The following EXD3 variants were observed in gnomAD, a reference collection of about 807,000 sequenced individuals.
EXD3 encodes the protein exonuclease 3'-5' domain containing 3.
Under a neutral mutation model 98.0 loss-of-function variants are expected in EXD3, and 92 were observed. The ratio of observed to expected loss-of-function variants is 0.94; its 90% CI spans 0.79 to 1.12. The LOEUF (loss-of-function observed/expected upper bound fraction) is 1.12, where lower values mean the gene tolerates loss of function less well. Ranked by LOEUF, EXD3 falls within the 50% of genes most tolerant of loss-of-function variation. The pLI, the probability that EXD3 is intolerant of heterozygous loss-of-function variation, is 0.00. For missense variants in EXD3, 1,222 were observed against 1,191.6 expected (o/e 1.03, Z -0.38); for synonymous variants, 569 against 526.0 (o/e 1.08, Z -1.12).
rs576740179 is a variant in EXD3, at chr9:137,375,258, C to T, written c.121-1659G>A. On this transcript the variant is annotated intron_variant, in intron 3 of 21. Transcript: ENST00000340951. ...TCCTGACCTCGTGATCCGCCCGTCTCGGCCTCCCAAAGTGCTGGGATTACA... is the reference window on the plus strand; with the variant it reads ...TCCTGACCTCGTGATCCGCCCGTCTTGGCCTCCCAAAGTGCTGGGATTACA... 2.1e-4 allele frequency among the ~76,000 whole-genome samples: 32 copies of T among 152,306 alleles called. No homozygotes were observed. The East Asian group carries it at 3.9e-3, about 18-fold the overall frequency.
At position 137,393,367 on chromosome 9, in the gene EXD3, G is replaced by T; in HGVS notation, c.55+1936C>A. 1 of 653,168 alleles carries T rather than the reference G, an allele frequency of 1.5e-6. No homozygotes were observed. Among genetic ancestry groups the T allele is most frequent in the East Asian group, 2.7e-5 (1 of 36,608 alleles). The allele number at this position is 653,168 out of a possible 1,614,324, so 40.5% of individuals were successfully genotyped here. On this transcript the variant is annotated intron_variant, in intron 2 of 21. Transcript: ENST00000340951. This position sits in a 1 kb window ranked among gnomAD's most constrained non-coding sequence, Gnocchi z 4.6. The stretch of plus-strand genomic sequence containing the variant: ...GGTGCAGGCCCGGGGCCCGCAGATG[G>T]CCTCAGAGGAGGCGGTGGATGAACG...
At chr9:137,400,556 G>A (rs941501248) in intron 1 of EXD3, among the ~76,000 whole-genome samples, 15 of 152,034 alleles carry the variant, frequency 9.9e-5, no homozygotes, top group African/African-American at 2.7e-4. Context: ...ACCTGAGGTC[G>A]GGAGTTTGAG....
chr9:137,311,981 C>G (rs1299873949), intron 19 of EXD3, among the ~76,000 whole-genome samples: 1 of 152,138 alleles, frequency 6.6e-6, no homozygotes, highest in Non-Finnish European at 1.5e-5. Flanking sequence ...GGGCTGAGAG[C>G]CCCTGCCCTC....
intron 17 of EXD3, among the ~76,000 whole-genome samples, chr9:137,330,317 C>T (rs1204797259): frequency 7.0e-5 from 8 of 114,598 alleles, no homozygotes; most frequent in East Asian, 3.4e-4. Context: ...GGAACTACAC[C>T]GGAGCTACAC....
intron 1 of EXD3, among the ~76,000 whole-genome samples, chr9:137,422,112 TAAAAAAAAAAAA>T (rs35073810): frequency 8.4e-6 from 1 of 119,504 alleles, no homozygotes; most frequent in Admixed American, 8.6e-5. Flanking sequence ...GTGGTGTTCT[TAAAAAAAAAAAA>T]AAAAAAAAAA....
rs28635751 is a variant in EXD3, at chr9:137,354,831, T to A, written c.758-58A>T. 1.6e-3 allele frequency: 2,492 copies of A among 1,538,800 alleles called. 6 individuals carry two copies. The highest frequency in any genetic ancestry group is 1.5e-3 in the Admixed American group (81 of 54,228). On this transcript the variant is annotated intron_variant, in intron 8 of 21. Transcript: ENST00000340951. Reference sequence around the variant, plus strand: ...TCAGGGCAGCCTCACCACGGCCTCCTTCTGGGGCGGGCTGGAGACGGGCAG... The same window carrying A: ...TCAGGGCAGCCTCACCACGGCCTCCATCTGGGGCGGGCTGGAGACGGGCAG...
chr9:137,407,986 C>T lies in EXD3; in HGVS notation c.-47-12582G>A, dbSNP rs1250631675. ...AGCCTCACGCCTCCGGGGGTCTCCC[C>T]AGCCTCATGCCTCTGGGGATCTCCC... On this transcript the variant is annotated intron_variant, in intron 1 of 21. Coordinates refer to ENST00000340951, the MANE Select transcript of EXD3 (RefSeq NM_017820.5). The surrounding 1 kb of genome is among the most constrained non-coding windows in gnomAD (Gnocchi z 4.4). Among the ~76,000 whole-genome samples the T allele has an allele frequency of 1.3e-5, 2 of 152,072 alleles. No homozygotes were observed. Among genetic ancestry groups the T allele is most frequent in the Non-Finnish European group, 2.9e-5 (2 of 68,012 alleles).
At position 137,367,605 on chromosome 9, in the gene EXD3, G is replaced by A. The variant is rs576096779; in HGVS notation, c.516+331C>T. 4.1e-5 allele frequency: 12 copies of A among 291,754 alleles called. No homozygotes were observed. In the South Asian group the frequency reaches 4.2e-4, roughly 10 times the overall value. The allele number at this position is 291,754 out of a possible 1,614,324, so 18.1% of individuals were successfully genotyped here. ...CACGGTGGAGGCGTGCAGCAGAGGA[G>A]GGTCCCAGAAGCACATGGGCTGCGT... is the stretch of plus-strand genomic sequence containing the variant. On this transcript the variant is annotated intron_variant, in intron 6 of 21. Coordinates refer to ENST00000340951, the MANE Select transcript of EXD3 (RefSeq NM_017820.5).
Position 137,360,805 on chromosome 9 carries a change from C to T in EXD3, c.657-4437G>A, listed in dbSNP as rs1206596937. ...TATCCTATTTGAGAAAGCTTTATTGCAAGTATAAAGAAATACAATTGGCTT... is the reference window on the plus strand; with the variant it reads ...TATCCTATTTGAGAAAGCTTTATTGTAAGTATAAAGAAATACAATTGGCTT... On this transcript the variant is annotated intron_variant, in intron 7 of 21. Transcript: ENST00000340951. Among the ~76,000 whole-genome samples the T allele has an allele frequency of 2.3e-5, 2 of 86,138 alleles. 1 individual carries two copies. Among genetic ancestry groups the T allele is most frequent in the African/African-American group, 6.4e-5 (2 of 31,082 alleles). 56.5% of individuals were successfully genotyped at this position (86,138 alleles called of 152,430 possible).
chr9:137,315,149 G>A (rs1369927132), intron 19 of EXD3, among the ~76,000 whole-genome samples: 1 of 152,184 alleles, frequency 6.6e-6, no homozygotes, highest in Admixed American at 6.5e-5. Flanking sequence ...CTAGCGCCTG[G>A]CAGTGGGTCA....
intron 5 of EXD3, among the ~76,000 whole-genome samples, chr9:137,369,745 C>T (rs1835494763): frequency 6.6e-6 from 1 of 152,224 alleles, no homozygotes; most frequent in African/African-American, 2.4e-5. Context: ...ACTGGCCGTG[C>T]TCCCCAGGTG....
In EXD3 at chr9:137,366,519, G is replaced by A. The variant is rs371294459; in HGVS notation, c.630C>T (p.Pro210=). The change falls in exon 7 of 22, where the codon CCC becomes CCT. Residue 210 remains proline, a synonymous_variant. Coordinates refer to ENST00000340951, the MANE Select transcript of EXD3 (RefSeq NM_017820.5). ...TGGCAACGTCCTTGATGTCAAAGCCGGGCTGGCACCAGGAATCCATGAGGA... is the reference window on the plus strand; with the variant it reads ...TGGCAACGTCCTTGATGTCAAAGCCAGGCTGGCACCAGGAATCCATGAGGA... The part of the protein sequence containing the change: ...LLVLMDSWCQ[P]GFDIKDVARR... 1.0e-4 allele frequency: 159 copies of A among 1,550,958 alleles called. No homozygotes were observed. Among genetic ancestry groups the A allele is most frequent in the Admixed American group, 3.1e-4 (16 of 51,052 alleles).
At chr9:137,334,537 G>A (rs560379689) in intron 17 of EXD3, among the ~76,000 whole-genome samples, 1 of 152,114 alleles carries the variant, frequency 6.6e-6, no homozygotes, top group African/African-American at 2.4e-5. Flanking sequence ...CCACATGTAG[G>A]AGAATGAAAC....
chr9:137,307,174 C>T lies in EXD3; in HGVS notation c.2407G>A (p.Asp803Asn). The part of the protein sequence containing the change: ...QMADLRAETP[D>N]MLADGTRLQL... The stretch of plus-strand genomic sequence containing the variant: ...AGCCGGGTGCCGTCGGCCAGCATGT[C>T]CGGTGTCTCCGCCCGCAGGTCAGCC... The change falls in exon 22 of 22, where the codon GAC becomes AAC. Residue 803 changes from aspartate (D) to asparagine (N), a missense_variant. Physicochemically the swap from Asp to Asn is conservative, Grantham distance 23 (BLOSUM62 1). Coordinates refer to ENST00000340951, the MANE Select transcript of EXD3 (RefSeq NM_017820.5). 1 of 1,586,774 alleles carries T rather than the reference C, an allele frequency of 6.3e-7. No individual in the cohort carries two copies. The highest frequency in any genetic ancestry group is 8.6e-7 in the Non-Finnish European group (1 of 1,167,926).
At chr9:137,328,042 A>G (rs1832560181) in intron 17 of EXD3, among the ~76,000 whole-genome samples, 4 of 152,068 alleles carry the variant, frequency 2.6e-5, no homozygotes, top group African/African-American at 7.2e-5. Context: ...AAAACAACGA[A>G]TAAACACCCA....
At chr9:137,369,167 G>A (rs1217991865) in intron 5 of EXD3, among the ~76,000 whole-genome samples, 1 of 149,580 alleles carries the variant, frequency 6.7e-6, no homozygotes, top group Non-Finnish European at 1.5e-5. Context: ...CAGGGCCGTG[G>A]GAAGGGGCGC....
intron 19 of EXD3, among the ~76,000 whole-genome samples, chr9:137,320,429 G>A (rs1346890829): frequency 6.6e-6 from 1 of 152,234 alleles, no homozygotes; most frequent in Non-Finnish European, 1.5e-5. Context: ...CCCCCACGGG[G>A]GTGCAGCTCT....
intron 17 of EXD3, among the ~76,000 whole-genome samples, chr9:137,327,858 T>C (rs57142364): frequency 4.2e-4 from 1 of 2,392 alleles, no homozygotes; most frequent in African/African-American, 1.2e-3. Context: ...ACGAATATAC[T>C]CCCACATGAT....
intron 3 of EXD3, among the ~76,000 whole-genome samples, chr9:137,376,918 A>G (rs1485698345): frequency 6.9e-6 from 1 of 144,354 alleles, no homozygotes; most frequent in Non-Finnish European, 1.5e-5. Flanking sequence ...GACAAGAGAG[A>G]ATCTCCATCT....
Sources: allele counts gnomAD v4.1 joint callset (sites outside exome capture counted in the v4.1 genomes callset), GRCh38; gene constraint gnomAD v4.1.1; non-coding constraint Gnocchi (gnomAD v3.1); transcripts MANE v1.5; gene names NCBI Gene and HGNC (gene_info 2026-07-23, HGNC 2026-07-21).